Variants in UTP20 observed in about 807,000 individuals in gnomAD.
UTP20 encodes the protein UTP20 small subunit processome component.
In UTP20, 164 loss-of-function variants were observed where a neutral mutation model predicts 329.5. The ratio of observed to expected loss-of-function variants is 0.50; its 90% confidence interval spans 0.44 to 0.57. UTP20 has a LOEUF of 0.57. UTP20 is among the 20% of genes least tolerant of loss of function. The probability of loss-of-function intolerance (pLI) is 0.00; values close to 1 mark genes in which losing one functional copy is unlikely to be tolerated. For missense variants in UTP20, 3,055 were observed against 3,284.2 expected (o/e 0.93, Z 1.71); for synonymous variants, 1,151 against 1,159.3 (o/e 0.99, Z 0.14).
chr12:101,373,816 G>A (rs1487192704), intron 54 of UTP20, 49 bp downstream of exon 54: 1 of 1,573,186 alleles, frequency 6.4e-7, no homozygotes, highest in South Asian at 1.2e-5. Flanking sequence ...TAGCTTTGGG[G>A]ATCATAGTTT....
In UTP20 at chr12:101,370,558, C is replaced by T. The variant is rs775498923; in HGVS notation, c.6682C>T (p.Leu2228=). Residue 2228 remains leucine (L), a synonymous_variant, in exon 50 of 62, where the codon CTG becomes TTG. Transcript: ENST00000261637. ...TSRQATAFGL[L]KAILSRKLLV... ...AAGACAAGCCACTGCCTTTGGTCTT[C>T]TGAAGGTATGCTGTCGCCAGAATGT... 1 of 1,612,386 alleles carries T rather than the reference C, an allele frequency of 6.2e-7. No individual in the cohort carries two copies. The highest frequency in any genetic ancestry group is 8.5e-7 in the Non-Finnish European group (1 of 1,179,288).
rs1330692306 is a variant in UTP20 at position 101,310,595 on chromosome 12, A to AAAAAAAAAAAAAAAG, written c.2231+759_2231+760insAAAAAAAAAAAGAAA. ...TGTCTCCCAAAAAAAAAAAAAAAAA[A>AAAAAAAAAAAAAAAG]AAATACATGTTATGGCTCATGTGTA... On this transcript the variant is annotated intron_variant, in intron 19 of 61. Transcript: ENST00000261637. Among the ~76,000 whole-genome samples the AAAAAAAAAAAAAAAG allele has an allele frequency of 4.4e-4, 54 of 121,746 alleles. 3 individuals carry two copies. Among genetic ancestry groups the AAAAAAAAAAAAAAAG allele is most frequent in the Non-Finnish European group, 7.8e-4 (39 of 49,790 alleles). 79.9% of individuals were successfully genotyped at this position (121,746 alleles called of 152,430 possible).
intron 18 of UTP20, among the ~76,000 whole-genome samples, chr12:101,309,394 G>A (rs1347104446): frequency 2.0e-5 from 3 of 152,240 alleles, no homozygotes; most frequent in South Asian, 2.1e-4. Context: ...GTTTCCTTGC[G>A]TTCTTCGGCA....
At position 101,344,749 on chromosome 12, in the gene UTP20, A is replaced by C; in HGVS notation, c.4604A>C (p.Glu1535Ala). 1.2e-6 allele frequency: 2 copies of C among 1,613,346 alleles called. No homozygotes were observed. The highest frequency in any genetic ancestry group is 1.7e-6 in the Non-Finnish European group (2 of 1,179,612). Reference sequence around the variant, plus strand: ...AGAAAAGGTCTGAAGAGCCAGACAGAGGTATATAACTTTGTGTTTTAGGCA... The same window carrying C: ...AGAAAAGGTCTGAAGAGCCAGACAGCGGTATATAACTTTGTGTTTTAGGCA... ...KLRKGLKSQT[E>A]SIQQDYTTIL... The change falls in exon 36 of 62, where the codon GAG becomes GCG. Residue 1535 changes from glutamate (E) to alanine (A), a missense_variant and splice_region_variant. Transcript: ENST00000261637.
chr12:101,373,908 A>T, intron 54 of UTP20, 141 bp downstream of exon 54: 1 of 1,047,358 alleles, frequency 9.5e-7, no homozygotes, highest in Non-Finnish European at 1.3e-6. Context: ...CAAATAGTAT[A>T]TTCTTAAAGT....
At chr12:101,337,538 C>T (rs1464680472) in intron 29 of UTP20, among the ~76,000 whole-genome samples, 1 of 152,198 alleles carries the variant, frequency 6.6e-6, no homozygotes, top group Non-Finnish European at 1.5e-5. Flanking sequence ...ATCCCTGTCT[C>T]CCAACATTGA....
chr12:101,369,602 T>C, intron 48 of UTP20, 119 bp from the exon 49 acceptor site: 1 of 618,598 alleles, frequency 1.6e-6, no homozygotes, highest in Non-Finnish European at 2.9e-6. Context: ...CAGAGTGGGC[T>C]GCGCTTAGCA....
In UTP20 at chr12:101,338,235, G is replaced by A. The variant is rs1743795838; in HGVS notation, c.3826G>A (p.Val1276Ile). ...TACAGAAACAGTTTTGAACTTGCTG[G>A]TAACTGGATGTGTATACCCTGGCAT... Reference protein sequence around the residue: ...EPTETVLNLLVTGCVYPGIAE... With the variant: ...EPTETVLNLLITGCVYPGIAE... Residue 1276 changes from valine (V) to isoleucine (I), a missense_variant, in exon 30 of 62, where the codon GTA becomes ATA. By Grantham distance (29) the Val-to-Ile change is conservative. Coordinates refer to ENST00000261637, the MANE Select transcript of UTP20 (RefSeq NM_014503.3). The A allele has an allele frequency of 6.2e-7, 1 of 1,614,116 alleles. No homozygotes were observed. The highest frequency in any genetic ancestry group is 1.3e-5 in the African/African-American group (1 of 75,038).
At chr12:101,379,716 C>T (rs1260576825) in intron 57 of UTP20, among the ~76,000 whole-genome samples, 158 bp downstream of exon 57, 5 of 152,002 alleles carry the variant, frequency 3.3e-5, no homozygotes, top group Non-Finnish European at 5.9e-5. Context: ...GGAGAGGGGT[C>T]ACTCTCAAGG....
Position 101,286,364 on chromosome 12 carries a change from C to T in UTP20, c.370C>T (p.Pro124Ser), listed in dbSNP as rs773600658. The part of the protein sequence containing the change: ...LARDLQMDFY[P>S]HFPEFFLTIT... The stretch of plus-strand genomic sequence containing the variant: ...ACGAGATCTGCAGATGGATTTCTAC[C>T]CACACTTTCCAGAGTTTTTTTTGAC... Residue 124 changes from proline (P) to serine (S), a missense_variant, in exon 5 of 62, where the codon CCA becomes TCA. Physicochemically the swap from Pro to Ser is moderately conservative, Grantham distance 74. This residue lies in a region of UTP20 where 2,445 missense variants were observed against 2,575.5 expected (regional missense o/e 0.95). Coordinates refer to ENST00000261637, the MANE Select transcript of UTP20 (RefSeq NM_014503.3). 6 of 1,613,074 alleles carry T rather than the reference C, an allele frequency of 3.7e-6. No individual in the cohort carries two copies. Among genetic ancestry groups the T allele is most frequent in the African/African-American group, 1.3e-5 (1 of 74,796 alleles).
Position 101,334,509 on chromosome 12 carries a change from A to G in UTP20, c.3641+5A>G. On this transcript the variant is annotated splice_donor_5th_base_variant and intron_variant, in intron 29 of 61. Transcript: ENST00000261637. ...TATCTGGAGCAGAAACGCAAGGTAT[A>G]ACCTTTCTTTTTTCCTTCTTTAAAA... 1.2e-6 allele frequency: 2 copies of G among 1,607,806 alleles called. No homozygotes were observed. The highest frequency in any genetic ancestry group is 1.7e-6 in the Non-Finnish European group (2 of 1,178,968).
At chr12:101,311,874 C>G in intron 20 of UTP20, 76 bp downstream of exon 20, 1 of 1,556,280 alleles carries the variant, frequency 6.4e-7, no homozygotes, top group African/African-American at 1.4e-5. Context: ...CTTAATTACT[C>G]ACGAAATTGG....
At chr12:101,337,265 T>G (rs1868963626) in intron 29 of UTP20, among the ~76,000 whole-genome samples, 3 of 152,266 alleles carry the variant, frequency 2.0e-5, no homozygotes, top group South Asian at 4.1e-4. Context: ...AGAACTTTTC[T>G]GTCAGTTTGT....
chr12:101,281,796 C>A (rs1329214253), intron 2 of UTP20, among the ~76,000 whole-genome samples: 1 of 152,062 alleles, frequency 6.6e-6, no homozygotes, highest in African/African-American at 2.4e-5. Context: ...TCTCCACCTC[C>A]CAGGTTTAAG....
Position 101,290,188 on chromosome 12 carries a change from C to A in UTP20, c.649C>A (p.His217Asn). Residue 217 changes from histidine (H) to asparagine (N), a missense_variant, in exon 7 of 62, where the codon CAT becomes AAT. Around this residue, in one of 3 missense-constraint regions of UTP20, gnomAD observed 2,445 missense variants for 2,575.5 expected, o/e 0.95. Coordinates refer to ENST00000261637, the MANE Select transcript of UTP20 (RefSeq NM_014503.3). ...TTTAATGTTTCTTGATCTTGATAAA[C>A]ATCCAGAAAAAGTTGAAGGTGTTGG... ...FNLMFLDLDK[H>N]PEKVEGVGQL... is the part of the protein sequence containing the mutation. 6.2e-7 allele frequency: 1 copy of A among 1,608,176 alleles called. No homozygotes were observed. Among genetic ancestry groups the A allele is most frequent in the African/African-American group, 1.3e-5 (1 of 74,896 alleles).
intron 33 of UTP20, 87 bp from the exon 34 acceptor site, chr12:101,342,700 T>C: frequency 1.2e-5 from 19 of 1,531,430 alleles, no homozygotes; most frequent in Non-Finnish European, 1.5e-5. Context: ...TTATATGAAT[T>C]TGAATGGGGA....
In UTP20 at chr12:101,285,591, G is replaced by A; in HGVS notation, c.148G>A (p.Glu50Lys). Residue 50 changes from glutamate (E) to lysine (K), a missense_variant, in exon 3 of 62, where the codon GAG becomes AAG. Glu to Lys is a moderately conservative substitution (Grantham distance 56). Coordinates refer to ENST00000261637, the MANE Select transcript of UTP20 (RefSeq NM_014503.3). Reference protein sequence around the residue: ...YEEEVETYFFEGLLKWRELNL... With the variant: ...YEEEVETYFFKGLLKWRELNL... Reference sequence around the variant, plus strand: ...ACAGGAGGTTGAAACCTACTTTTTTGAGGGTCTGCTGAAATGGAGAGAATT... The same window carrying A: ...ACAGGAGGTTGAAACCTACTTTTTTAAGGGTCTGCTGAAATGGAGAGAATT... 1 of 1,613,650 alleles carries A rather than the reference G, an allele frequency of 6.2e-7. No homozygotes were observed. The highest frequency in any genetic ancestry group is 8.5e-7 in the Non-Finnish European group (1 of 1,179,806).
Position 101,353,070 on chromosome 12 carries a change from C to T in UTP20, c.5048C>T (p.Ala1683Val). 1 of 1,593,462 alleles carries T rather than the reference C, an allele frequency of 6.3e-7. No individual in the cohort carries two copies. The highest frequency in any genetic ancestry group is 1.3e-5 in the African/African-American group (1 of 74,646). The change falls in exon 40 of 62, where the codon GCA (alanine) becomes GTA (valine). Residue 1683 changes from alanine to valine, a missense_variant. Transcript: ENST00000261637. ...GVSLLVIVLEAFHFDHKTLEE... is the reference protein window; with the variant it reads ...GVSLLVIVLEVFHFDHKTLEE... ...AGTTTGCTAGTAATAGTGTTAGAAG[C>T]ATTCCACTTTGACCACAAAACTCTT...
intron 57 of UTP20, 122 bp from the exon 58 acceptor site, chr12:101,381,018 C>A (rs781166435): frequency 1.3e-6 from 1 of 767,892 alleles, no homozygotes; most frequent in Non-Finnish European, 2.2e-6. Flanking sequence ...CAAATCTATA[C>A]AGGTGGTCAT....
Sources: allele counts gnomAD v4.1 joint callset (sites outside exome capture counted in the v4.1 genomes callset), GRCh38; gene constraint gnomAD v4.1.1; regional missense constraint gnomAD v4.1.1; transcripts MANE v1.5; gene names NCBI Gene and HGNC (gene_info 2026-07-23, HGNC 2026-07-21).